Variants in MLLT10 observed in about 807,000 individuals in gnomAD.
MLLT10 encodes MLLT10 histone lysine methyltransferase DOT1L cofactor, also known as protein AF-10.
In MLLT10, 30 loss-of-function variants were observed where a neutral mutation model predicts 129.1. The observed-to-expected ratio is 0.23, with a 90% confidence interval of 0.17 to 0.32. MLLT10 has a LOEUF of 0.32. Ranked by LOEUF, MLLT10 falls within the 10% of genes least tolerant of loss-of-function variation. MLLT10 has a pLI of 1.00. For synonymous variants in MLLT10, 490 were observed against 446.4 expected (o/e 1.10, Z -1.23); for missense variants, 1,119 against 1,268.3 (o/e 0.88, Z 1.79).
chr10:21,540,517 TG>T (rs2034956653), intron 3 of MLLT10, among the ~76,000 whole-genome samples: 1 of 152,074 alleles, frequency 6.6e-6, no homozygotes, highest in Admixed American at 6.6e-5. Flanking sequence ...GACTCCAGCC[TG>T]GGTGACAGAG....
rs553771480 is a variant in MLLT10 at position 21,731,861 on chromosome 10, C to T, written c.2218+807C>T. Reference sequence around the variant, plus strand: ...CATCATTTTCGAGTATAAACTTTTGCTGCCTCATTTTATTGAAACATTTTG... The same window carrying T: ...CATCATTTTCGAGTATAAACTTTTGTTGCCTCATTTTATTGAAACATTTTG... On this transcript the variant is annotated intron_variant, in intron 17 of 22. Coordinates refer to ENST00000307729, the MANE Select transcript of MLLT10 (RefSeq NM_001195626.3). Among the ~76,000 whole-genome samples, 30 of 152,224 alleles carry T rather than the reference C, an allele frequency of 2.0e-4. No homozygotes were observed. In the East Asian group the frequency reaches 5.4e-3, roughly 27 times the overall value.
chr10:21,625,101 T>G, intron 8 of MLLT10: 1 of 904,520 alleles, frequency 1.1e-6, no homozygotes, highest in Non-Finnish European at 1.8e-6. Context: ...ATCTGGAGGT[T>G]AGCCATATCC....
Position 21,743,441 on chromosome 10 carries a change from C to G in MLLT10, c.*1458C>G, listed in dbSNP as rs1371684228. ...TATATGTTCAGGGGAATTTTAAAGT[C>G]AAATCTTTTGTAGATAATTTAAAAA... is the stretch of plus-strand genomic sequence containing the variant. On this transcript the variant is annotated 3_prime_UTR_variant, in exon 23 of 23. Transcript: ENST00000307729. 2 of 192,896 alleles carry G rather than the reference C, an allele frequency of 1.0e-5. No homozygotes were observed. Among genetic ancestry groups the G allele is most frequent in the African/African-American group, 4.6e-5 (2 of 43,100 alleles). 11.9% of individuals were successfully genotyped at this position (192,896 alleles called of 1,614,324 possible).
rs1055333955 is a variant in MLLT10, at chr10:21,695,042, T to C, written c.1699+12785T>C. 3.3e-5 allele frequency among the ~76,000 whole-genome samples: 5 copies of C among 151,162 alleles called. 1 individual carries two copies. The South Asian group carries it at 1.0e-3, about 31-fold the overall frequency. On this transcript the variant is annotated intron_variant, in intron 13 of 22. Transcript: ENST00000307729. Reference sequence around the variant, plus strand: ...TCTCACTTTCTCTTCTGCCGCATCTTTCACTGACTTTCTACCTTCTTTTTT... The same window carrying C: ...TCTCACTTTCTCTTCTGCCGCATCTCTCACTGACTTTCTACCTTCTTTTTT...
At chr10:21,647,659 T>C (rs954779133) in intron 8 of MLLT10, among the ~76,000 whole-genome samples, 2 of 150,160 alleles carry the variant, frequency 1.3e-5, no homozygotes, top group African/African-American at 4.9e-5. Flanking sequence ...AATACTTGGG[T>C]TGCATGTTTC....
At chr10:21,573,263 G>A (rs1361088264) in intron 3 of MLLT10, among the ~76,000 whole-genome samples, 1 of 152,074 alleles carries the variant, frequency 6.6e-6, no homozygotes, top group African/African-American at 2.4e-5. Context: ...CAGCTGTAGG[G>A]GTTTTATTGA....
intron 3 of MLLT10, among the ~76,000 whole-genome samples, chr10:21,546,454 G>C (rs1380848165): frequency 1.3e-5 from 2 of 151,896 alleles, no homozygotes; most frequent in Non-Finnish European, 2.9e-5. Context: ...GCCCAGGCTG[G>C]AGTGCAGTGG....
intron 3 of MLLT10, among the ~76,000 whole-genome samples, chr10:21,584,125 C>T (rs1429797821): frequency 2.0e-5 from 3 of 151,964 alleles, no homozygotes; most frequent in Non-Finnish European, 4.4e-5. Flanking sequence ...GCCTCAGCCT[C>T]CCAAAGTGCT....
chr10:21,731,079 G>GAATC (rs774400550), intron 17 of MLLT10, 25 bp downstream of exon 17: 2 of 1,584,220 alleles, frequency 1.3e-6, no homozygotes, highest in South Asian at 2.3e-5. Context: ...TCTTATATGT[G>GAATC]AATCAAGACA....
chr10:21,534,654 A>G lies in MLLT10; in HGVS notation c.10A>G (p.Ser4Gly). The G allele has an allele frequency of 3.7e-6, 6 of 1,608,522 alleles. No individual in the cohort carries two copies. Among genetic ancestry groups the G allele is most frequent in the South Asian group, 1.1e-5 (1 of 90,312 alleles). The change falls in exon 2 of 23, where the codon AGC becomes GGC. Residue 4 changes from serine to glycine, a missense_variant. Around this residue, in one of 5 missense-constraint regions of MLLT10, gnomAD observed 35 missense variants for 26.0 expected, o/e 1.35. Transcript: ENST00000307729. The stretch of plus-strand genomic sequence containing the variant: ...CCCAACTCCCTCTTAGATGGTCTCT[A>G]GCGACCGGCCCGTGTCACTGGAGGA... MVSSDRPVSLEDEV... is the reference protein window; with the variant it reads MVSGDRPVSLEDEV...
intron 8 of MLLT10, among the ~76,000 whole-genome samples, chr10:21,647,786 ATTT>A (rs2048640499): frequency 6.6e-6 from 1 of 151,874 alleles, no homozygotes; most frequent in South Asian, 2.1e-4. Context: ...AAAATACAGA[ATTT>A]TTAATTTTAC....
chr10:21,589,273 A>C (rs1005966605), intron 4 of MLLT10, among the ~76,000 whole-genome samples: 1 of 148,694 alleles, frequency 6.7e-6, no homozygotes, highest in Non-Finnish European at 1.5e-5. Flanking sequence ...TTAATCTTTC[A>C]TGATGTCTGT....
chr10:21,654,255 G>A (rs190872034), intron 9 of MLLT10, among the ~76,000 whole-genome samples: 2 of 152,234 alleles, frequency 1.3e-5, no homozygotes, highest in Admixed American at 6.5e-5. Flanking sequence ...AGAAGAATAG[G>A]TTAGGGAAGT....
intron 14 of MLLT10, among the ~76,000 whole-genome samples, chr10:21,724,581 G>T (rs879161047): frequency 2.0e-5 from 3 of 152,310 alleles, no homozygotes; most frequent in Admixed American, 6.5e-5. Flanking sequence ...GCTTCAGTTT[G>T]ATTTCATTCA....
At chr10:21,601,144 C>G (rs1220658560) in intron 5 of MLLT10, among the ~76,000 whole-genome samples, 1 of 152,140 alleles carries the variant, frequency 6.6e-6, no homozygotes, top group African/African-American at 2.4e-5. Flanking sequence ...TAGGATCTCA[C>G]TATGTTGCCT....
intron 2 of MLLT10, among the ~76,000 whole-genome samples, chr10:21,536,310 C>G (rs561616570): frequency 6.6e-6 from 1 of 152,232 alleles, no homozygotes; most frequent in South Asian, 2.1e-4. Context: ...GCGTGTCAAA[C>G]CAGATACTGA....
chr10:21,629,920 C>A (rs2046844798), intron 8 of MLLT10, among the ~76,000 whole-genome samples: 1 of 152,090 alleles, frequency 6.6e-6, no homozygotes, highest in Non-Finnish European at 1.5e-5. Context: ...TATGATCATG[C>A]CATTGCATTC....
intron 8 of MLLT10, among the ~76,000 whole-genome samples, chr10:21,644,900 G>C (rs1373825177): frequency 6.6e-6 from 1 of 152,130 alleles, no homozygotes; most frequent in Non-Finnish European, 1.5e-5. Flanking sequence ...CAAAGCACTA[G>C]AATTACAGGG....
chr10:21,555,453 C>T (rs778840039), intron 3 of MLLT10, among the ~76,000 whole-genome samples: 3 of 151,804 alleles, frequency 2.0e-5, no homozygotes, highest in Non-Finnish European at 4.4e-5. Flanking sequence ...AGACTCCTGA[C>T]CTCAGGTGAT....
Sources: gnomAD v4.1 joint callset for allele counts (sites outside exome capture counted in the v4.1 genomes callset) on GRCh38, gnomAD v4.1.1 for gene constraint, gnomAD v4.1.1 regional missense constraint, MANE v1.5 for transcripts, NCBI Gene and HGNC (gene_info 2026-07-23, HGNC 2026-07-21) for gene names.